The following NRXN3 variants were observed in gnomAD, a reference collection of about 807,000 sequenced individuals.
NRXN3 encodes neurexin III.
A neutral mutation model predicts 137.6 loss-of-function variants in NRXN3; 32 were observed. The observed-to-expected ratio is 0.23, with a 90% confidence interval of 0.18 to 0.31. The LOEUF is 0.31. Ranked by LOEUF, NRXN3 falls within the 10% of genes least tolerant of loss-of-function variation. The probability of loss-of-function intolerance (pLI) is 1.00; values close to 1 mark genes in which losing one functional copy is unlikely to be tolerated. For missense variants in NRXN3, 1,574 were observed against 2,062.5 expected (o/e 0.76, Z 4.59); for synonymous variants, 798 against 784.5 (o/e 1.02, Z -0.29).
chr14:79,668,920 T>C (rs1474501220), intron 17 of NRXN3, among the ~76,000 whole-genome samples: 1 of 152,080 alleles, frequency 6.6e-6, no homozygotes, highest in East Asian at 1.9e-4. Flanking sequence ...TACATCGGTA[T>C]AAGAAAGATT....
intron 11 of NRXN3, among the ~76,000 whole-genome samples, chr14:78,962,991 T>G (rs1320248783): frequency 6.6e-6 from 1 of 152,098 alleles, no homozygotes; most frequent in Non-Finnish European, 1.5e-5. Flanking sequence ...CCTTTTCTAA[T>G]TTGATCTCAC....
chr14:78,767,730 T>C (rs2098713506), intron 8 of NRXN3, among the ~76,000 whole-genome samples: 1 of 152,200 alleles, frequency 6.6e-6, no homozygotes, highest in Admixed American at 6.5e-5. Flanking sequence ...CTCGGAATGC[T>C]TTAAAAGACA....
At chr14:79,627,093 G>A (rs1307330007) in intron 16 of NRXN3, among the ~76,000 whole-genome samples, 1 of 152,156 alleles carries the variant, frequency 6.6e-6, no homozygotes, top group African/African-American at 2.4e-5. Context: ...GTAACTCTAA[G>A]TGTTTTAGTT....
intron 17 of NRXN3, among the ~76,000 whole-genome samples, chr14:79,674,450 C>T (rs991691425): frequency 6.6e-6 from 1 of 152,016 alleles, no homozygotes; most frequent in South Asian, 2.1e-4. Flanking sequence ...TAATCTCCCT[C>T]ATTTACAGAT....
chr14:78,180,246 G>C (rs537886096), intron 1 of NRXN3, among the ~76,000 whole-genome samples: 1 of 152,154 alleles, frequency 6.6e-6, no homozygotes, highest in South Asian at 2.1e-4. Flanking sequence ...AGGTCAAAGA[G>C]TTGGCAAGGT....
chr14:78,352,732 T>G (rs547156141), intron 4 of NRXN3, among the ~76,000 whole-genome samples: 10 of 152,310 alleles, frequency 6.6e-5, no homozygotes, highest in African/African-American at 2.2e-4. Flanking sequence ...GGAAAACATC[T>G]CAGTGGTTGC....
At chr14:79,610,364 A>G (rs1303797757) in intron 16 of NRXN3, among the ~76,000 whole-genome samples, 1 of 152,166 alleles carries the variant, frequency 6.6e-6, no homozygotes, top group Non-Finnish European at 1.5e-5. Flanking sequence ...AATTCCTCAT[A>G]TGGTTATTTA....
At chr14:78,891,417 G>A (rs2099158527) in intron 10 of NRXN3, among the ~76,000 whole-genome samples, 1 of 151,932 alleles carries the variant, frequency 6.6e-6, no homozygotes, top group South Asian at 2.1e-4. Context: ...TTACTGATAG[G>A]TATGGGTGGT....
At chr14:79,593,630 C>CAAAAAAAA (rs58254245) in intron 16 of NRXN3, among the ~76,000 whole-genome samples, 7 of 74,758 alleles carry the variant, frequency 9.4e-5, no homozygotes, top group Admixed American at 1.6e-4. Context: ...GACTCCGTCT[C>CAAAAAAAA]AAAAAAAAAA....
chr14:78,604,563 T>C (rs916081100), intron 4 of NRXN3, among the ~76,000 whole-genome samples: 2 of 152,168 alleles, frequency 1.3e-5, no homozygotes, highest in Admixed American at 6.5e-5. Flanking sequence ...CTCATGTTGA[T>C]TATAAATGGG....
intron 15 of NRXN3, among the ~76,000 whole-genome samples, chr14:79,148,961 T>C (rs1255122531): frequency 6.6e-6 from 1 of 152,154 alleles, no homozygotes; most frequent in Non-Finnish European, 1.5e-5. Flanking sequence ...CAGAAGCTAT[T>C]ACCTTAAAAG....
At chr14:78,341,909 G>A (rs1297032929) in intron 4 of NRXN3, among the ~76,000 whole-genome samples, 4 of 152,216 alleles carry the variant, frequency 2.6e-5, no homozygotes, top group Non-Finnish European at 5.9e-5. Context: ...GAATAGGGAA[G>A]TTGGGCTCTA....
chr14:79,791,572 ATTTAT>A (rs2099145636), intron 19 of NRXN3, among the ~76,000 whole-genome samples: 1 of 146,248 alleles, frequency 6.8e-6, no homozygotes, highest in South Asian at 2.2e-4. Flanking sequence ...TTTTATTCTA[ATTTAT>A]TTTATAATTG....
intron 15 of NRXN3, among the ~76,000 whole-genome samples, chr14:79,024,228 T>C (rs2099594549): frequency 6.6e-6 from 1 of 152,106 alleles, no homozygotes; most frequent in African/African-American, 2.4e-5. Context: ...CACCATATTC[T>C]ATAACTTCAG....
intron 20 of NRXN3, among the ~76,000 whole-genome samples, chr14:79,839,509 T>A (rs1033857535): frequency 6.6e-6 from 1 of 152,174 alleles, no homozygotes; most frequent in Non-Finnish European, 1.5e-5. Context: ...GTATTGCTGT[T>A]GAGTCATTTC....
At chr14:78,529,358 G>A (rs1259097027) in intron 4 of NRXN3, among the ~76,000 whole-genome samples, 1 of 152,188 alleles carries the variant, frequency 6.6e-6, no homozygotes, top group Admixed American at 6.5e-5. Context: ...AATCCCCTGA[G>A]TTGGGTGTAA....
In NRXN3 at chr14:78,633,251, C is replaced by CAAAAAAAAAAAAAAAAAA. The variant is rs779442429; in HGVS notation, c.758-11852_758-11851insAAAAAAAAAAAAAAAAAA. ...CCTGGGCTACAGAGCGAGACTCTGT[C>CAAAAAAAAAAAAAAAAAA]AAAAAAAAAAAAAAAAAGAGACTGG... On this transcript the variant is annotated intron_variant, in intron 4 of 20. Coordinates refer to ENST00000335750, the MANE Select transcript of NRXN3 (RefSeq NM_001330195.2). Among the ~76,000 whole-genome samples the CAAAAAAAAAAAAAAAAAA allele has an allele frequency of 1.7e-3, 116 of 68,036 alleles. 10 individuals are homozygous for CAAAAAAAAAAAAAAAAAA. The highest frequency in any genetic ancestry group is 7.7e-3 in the African/African-American group (108 of 14,034). 44.6% of individuals were successfully genotyped at this position (68,036 alleles called of 152,430 possible).
intron 15 of NRXN3, chr14:79,246,760 A>C (rs2075246050): frequency 6.6e-6 from 1 of 152,214 alleles, no homozygotes; most frequent in Non-Finnish European, 1.5e-5. Context: ...AACAAGGTTA[A>C]AAACTTTTTG....
At chr14:78,779,852 T>C (rs1260237296) in intron 8 of NRXN3, among the ~76,000 whole-genome samples, 1 of 152,194 alleles carries the variant, frequency 6.6e-6, no homozygotes, top group Non-Finnish European at 1.5e-5. Flanking sequence ...TATGTATGGG[T>C]AGACTCAATA....
Sources: allele counts gnomAD v4.1 joint callset (sites outside exome capture counted in the v4.1 genomes callset), GRCh38; gene constraint gnomAD v4.1.1; transcripts MANE v1.5; gene names NCBI Gene and HGNC (gene_info 2026-07-23, HGNC 2026-07-21).